XIRP2: variants seen among roughly 807,000 people sequenced by gnomAD.
XIRP2 encodes the protein xin actin-binding repeat-containing protein 2.
In XIRP2, 236 loss-of-function variants were observed where a neutral mutation model predicts 277.0. That is an observed-to-expected ratio of 0.85 (90% CI 0.77 to 0.95). The LOEUF (loss-of-function observed/expected upper bound fraction) is 0.95, where lower values mean the gene tolerates loss of function less well. Ranked by LOEUF, XIRP2 falls within the 40% of genes least tolerant of loss-of-function variation. XIRP2 has a pLI of 0.00. For missense variants in XIRP2, 4,640 were observed against 4,157.5 expected (o/e 1.12, Z -3.19); for synonymous variants, 1,490 against 1,416.5 (o/e 1.05, Z -1.17).
chr2:167,125,018 G>C (rs890946645), intron 2 of XIRP2, among the ~76,000 whole-genome samples: 14 of 152,128 alleles, frequency 9.2e-5, no homozygotes, highest in Admixed American at 5.9e-4. Context: ...AGTTAACTCA[G>C]CTGCTAAACC....
At chr2:167,096,143 C>T (rs977506876) in intron 2 of XIRP2, among the ~76,000 whole-genome samples, 12 of 151,700 alleles carry the variant, frequency 7.9e-5, no homozygotes, top group African/African-American at 2.9e-4. Context: ...CTCTTTGTAC[C>T]TCTGGTATAA....
chr2:167,220,817 G>T (rs1023473101), intron 5 of XIRP2, among the ~76,000 whole-genome samples: 7 of 151,966 alleles, frequency 4.6e-5, no homozygotes, highest in African/African-American at 1.7e-4. Context: ...ATATATGCTG[G>T]GTAAAAACAA....
chr2:166,970,579 T>G (rs1156250502), intron 2 of XIRP2, among the ~76,000 whole-genome samples: 2 of 151,920 alleles, frequency 1.3e-5, no homozygotes, highest in Non-Finnish European at 2.9e-5. Flanking sequence ...CTATTCTCAT[T>G]TCTAGATTTT....
intron 4 of XIRP2, among the ~76,000 whole-genome samples, chr2:167,214,506 T>C (rs1179409185): frequency 6.7e-6 from 1 of 150,026 alleles, no homozygotes; most frequent in Non-Finnish European, 1.5e-5. Flanking sequence ...ATCAACTGTA[T>C]GAATTTTTGC....
intron 2 of XIRP2, among the ~76,000 whole-genome samples, chr2:167,085,880 T>C (rs997049334): frequency 6.6e-6 from 1 of 152,182 alleles, no homozygotes; most frequent in African/African-American, 2.4e-5. Context: ...CACTGAAGGG[T>C]CTTGACTCTT....
At chr2:166,954,125 AC>A (rs1384598936) in intron 2 of XIRP2, among the ~76,000 whole-genome samples, 33 of 152,064 alleles carry the variant, frequency 2.2e-4, no homozygotes, top group Admixed American at 1.3e-3. Context: ...GTGAGGGACC[AC>A]AAAAATGACC....
chr2:167,121,296 C>T (rs751513452), intron 2 of XIRP2, among the ~76,000 whole-genome samples: 2 of 152,078 alleles, frequency 1.3e-5, no homozygotes, highest in Non-Finnish European at 2.9e-5. Flanking sequence ...TTCTTTTGCA[C>T]ATTTTAGTAT....
intron 2 of XIRP2, among the ~76,000 whole-genome samples, chr2:167,004,000 T>C (rs1188146248): frequency 6.6e-6 from 1 of 151,942 alleles, no homozygotes; most frequent in South Asian, 2.1e-4. Flanking sequence ...ATATTTCTGG[T>C]TAATGCAGGA....
In XIRP2 at chr2:167,201,344, A is replaced by AAAGAAG. The variant is rs1693711894; in HGVS notation, c.563-9391_563-9390insAAGAAG. Among the ~76,000 whole-genome samples, 47 of 103,174 alleles carry AAAGAAG rather than the reference A, an allele frequency of 4.6e-4. 3 individuals carry two copies. In the South Asian group the frequency reaches 0.015, roughly 33 times the overall value. The allele number at this position is 103,174 out of a possible 152,430, so 67.7% of individuals were successfully genotyped here. A position where few individuals can be genotyped will look rare whatever the true frequency, so the allele number is the denominator to read the frequency against. ...ACGAAGGAAGGAAGGAAGGAAGGAAAGAAGGAAGGAAGGAAGGAAGGGGAA... is the reference window on the plus strand; with the variant it reads ...ACGAAGGAAGGAAGGAAGGAAGGAAAAAGAAGGAAGGAAGGAAGGAAGGAAGGGGAA... On this transcript the variant is annotated intron_variant, in intron 3 of 10. Coordinates refer to ENST00000409195, the MANE Select transcript of XIRP2 (RefSeq NM_152381.6).
At chr2:167,218,940 AT>A (rs1694337586) in intron 5 of XIRP2, among the ~76,000 whole-genome samples, 1 of 152,292 alleles carries the variant, frequency 6.6e-6, no homozygotes, top group East Asian at 1.9e-4. Flanking sequence ...ACTTTGAAAA[AT>A]GTTAATAGTA....
chr2:167,170,815 C>T (rs1692665933), intron 3 of XIRP2, among the ~76,000 whole-genome samples: 2 of 151,496 alleles, frequency 1.3e-5, no homozygotes, highest in Non-Finnish European at 2.9e-5. Flanking sequence ...TTCCTATTTC[C>T]ATTCTTCAAC....
chr2:167,188,120 G>A (rs1023229869), intron 3 of XIRP2, among the ~76,000 whole-genome samples: 8 of 152,188 alleles, frequency 5.3e-5, no homozygotes, highest in Admixed American at 2.0e-4. Context: ...AGCACTGCCA[G>A]TTGGATCTGC....
chr2:167,250,677 C>T lies in XIRP2; in HGVS notation c.9285C>T (p.His3095=), dbSNP rs750353779. Residue 3095 remains histidine (H), a synonymous_variant, in exon 9 of 11, where the codon CAC becomes CAT. Transcript: ENST00000409195. ...AAHHEATVRS[H]VKTHQEIKLD... is the part of the protein sequence containing the mutation. ...ATCATGAAGCAACTGTTCGTAGTCA[C>T]GTGAAAACCCATCAGGAAATTAAAC... The T allele has an allele frequency of 8.7e-6, 14 of 1,613,426 alleles. No individual in the cohort carries two copies. The highest frequency in any genetic ancestry group is 1.6e-4 in the Middle Eastern group (1 of 6,074).
chr2:167,203,371 T>C (rs2105380685), intron 3 of XIRP2, among the ~76,000 whole-genome samples: 1 of 152,322 alleles, frequency 6.6e-6, no homozygotes, highest in Admixed American at 6.5e-5. Context: ...TGAGAGATCT[T>C]CTTTTGTTAA....
intron 2 of XIRP2, among the ~76,000 whole-genome samples, chr2:167,026,818 A>G (rs1688175249): frequency 6.6e-6 from 1 of 152,068 alleles, no homozygotes; most frequent in South Asian, 2.1e-4. Flanking sequence ...CTTTTCTTTA[A>G]GAATGTTGAA....
chr2:166,901,161 A>G (rs1351601641), intron 1 of XIRP2, among the ~76,000 whole-genome samples: 1 of 152,102 alleles, frequency 6.6e-6, no homozygotes, highest in Non-Finnish European at 1.5e-5. Flanking sequence ...TTATTTGGCT[A>G]GAGAAAGCAG....
intron 2 of XIRP2, among the ~76,000 whole-genome samples, chr2:167,010,253 G>T (rs1687630025): frequency 6.6e-6 from 1 of 151,998 alleles, no homozygotes; most frequent in African/African-American, 2.4e-5. Flanking sequence ...TGTATAAGGT[G>T]TAAGGAAGGG....
chr2:167,109,784 C>G (rs1690704699), intron 2 of XIRP2, among the ~76,000 whole-genome samples: 1 of 152,186 alleles, frequency 6.6e-6, no homozygotes, highest in African/African-American at 2.4e-5. Context: ...AATTTACAAT[C>G]TCACCAGCAG....
intron 3 of XIRP2, among the ~76,000 whole-genome samples, chr2:167,201,252 A>T (rs930141056): frequency 1.4e-5 from 1 of 71,772 alleles, no homozygotes; most frequent in Non-Finnish European, 2.5e-5. Flanking sequence ...GAAAGAAAGA[A>T]AGAAAGAAAG....
Sources: allele counts gnomAD v4.1 joint callset (sites outside exome capture counted in the v4.1 genomes callset), GRCh38; gene constraint gnomAD v4.1.1; transcripts MANE v1.5; gene names NCBI Gene and HGNC (gene_info 2026-07-23, HGNC 2026-07-21).